Variants in HDAC9 observed in about 807,000 individuals in gnomAD.
HDAC9 encodes the protein MEF-2 interacting transcription repressor (MITR) protein.
HDAC9 carries 41 observed loss-of-function variants against 139.4 expected under a neutral mutation model. The ratio of observed to expected loss-of-function variants is 0.29; its 90% confidence interval spans 0.23 to 0.38. HDAC9 has a LOEUF of 0.38. Among genes scored for constraint, HDAC9 ranks in the 10% least tolerant of loss-of-function variants. The pLI, the probability that HDAC9 is intolerant of heterozygous loss-of-function variation, is 1.00. For missense variants in HDAC9, 1,147 were observed against 1,297.0 expected (o/e 0.88, Z 1.78); for synonymous variants, 517 against 476.2 (o/e 1.09, Z -1.12).
intron 2 of HDAC9, among the ~76,000 whole-genome samples, chr7:18,175,214 T>A (rs1466147515): frequency 2.6e-5 from 4 of 152,288 alleles, no homozygotes; most frequent in South Asian, 4.1e-4. Flanking sequence ...CCATCTCAGA[T>A]TGCCACGCTA....
At chr7:18,932,486 T>C (rs999811589) in intron 22 of HDAC9, among the ~76,000 whole-genome samples, 14 of 152,266 alleles carry the variant, frequency 9.2e-5, no homozygotes, top group Admixed American at 2.6e-4. Flanking sequence ...GAGTAAATCC[T>C]GAAGTTGTTG....
chr7:18,908,796 C>G (rs551515819), intron 22 of HDAC9, among the ~76,000 whole-genome samples: 1 of 151,976 alleles, frequency 6.6e-6, no homozygotes, highest in Non-Finnish European at 1.5e-5. Context: ...TTTTCTCTAT[C>G]CATTCATCCA....
At chr7:18,742,976 C>T (rs1787594261) in intron 13 of HDAC9, among the ~76,000 whole-genome samples, 2 of 152,122 alleles carry the variant, frequency 1.3e-5, no homozygotes, top group African/African-American at 4.8e-5. Context: ...AAAACATTTT[C>T]TAAAATCTTA....
chr7:18,868,209 T>A (rs1489251469), intron 21 of HDAC9, among the ~76,000 whole-genome samples: 1 of 152,194 alleles, frequency 6.6e-6, no homozygotes, highest in African/African-American at 2.4e-5. Flanking sequence ...GCTTTCCCTG[T>A]GGTTGTATAA....
intron 2 of HDAC9, among the ~76,000 whole-genome samples, chr7:18,196,985 G>C (rs1790772277): frequency 6.6e-6 from 1 of 152,226 alleles, no homozygotes; most frequent in South Asian, 2.1e-4. Flanking sequence ...TCAGTAGACT[G>C]AGTAGAGCAG....
chr7:18,252,410 A>G (rs1794973116), intron 2 of HDAC9, among the ~76,000 whole-genome samples: 1 of 152,202 alleles, frequency 6.6e-6, no homozygotes, highest in Non-Finnish European at 1.5e-5. Context: ...TAATGTTTTT[A>G]TAACTGCAAA....
At chr7:18,166,132 C>T (rs887310560) in intron 2 of HDAC9, among the ~76,000 whole-genome samples, 6 of 152,272 alleles carry the variant, frequency 3.9e-5, no homozygotes, top group East Asian at 1.9e-4. Context: ...TTGATGAAAA[C>T]GCATCCAAAG....
At chr7:18,590,254 C>T (rs1421038352) in intron 3 of HDAC9, 82 bp from the exon 4 acceptor site, 1 of 1,401,304 alleles carries the variant, frequency 7.1e-7, no homozygotes. Flanking sequence ...GTTCCAAAAG[C>T]TCATAACATT....
chr7:18,492,926 A>G (rs749926468), upstream of HDAC9, among the ~76,000 whole-genome samples: 5 of 151,858 alleles, frequency 3.3e-5, no homozygotes, highest in Non-Finnish European at 7.4e-5. Flanking sequence ...ACTCTAAAAT[A>G]TTTTTTCATT....
chr7:18,789,268 A>G (rs1792087702), intron 16 of HDAC9, among the ~76,000 whole-genome samples: 1 of 131,108 alleles, frequency 7.6e-6, no homozygotes, highest in Non-Finnish European at 1.6e-5. Flanking sequence ...TCCTTAATGC[A>G]CACGCAGACA....
intron 12 of HDAC9, among the ~76,000 whole-genome samples, chr7:18,705,876 AAAT>A (rs1243006988): frequency 0.017 from 2,540 of 149,432 alleles, 203 homozygotes; most frequent in African/African-American, 0.053. Flanking sequence ...AAATAAAATA[AAAT>A]AAAAGAAATG....
intron 2 of HDAC9, among the ~76,000 whole-genome samples, chr7:18,539,400 A>G (rs1350643378): frequency 2.0e-5 from 3 of 152,242 alleles, no homozygotes; most frequent in African/African-American, 7.2e-5. Context: ...GGAAACTGTC[A>G]CAGATCAGAG....
intron 11 of HDAC9, among the ~76,000 whole-genome samples, chr7:18,650,987 A>G (rs1394821104): frequency 6.6e-6 from 1 of 152,166 alleles, no homozygotes; most frequent in Non-Finnish European, 1.5e-5. Flanking sequence ...TCAGTTGTCT[A>G]AGGGGACAGA....
At chr7:18,765,051 G>T (rs553257066) in intron 15 of HDAC9, among the ~76,000 whole-genome samples, 1 of 152,088 alleles carries the variant, frequency 6.6e-6, no homozygotes, top group Non-Finnish European at 1.5e-5. Flanking sequence ...TAATATTCCT[G>T]TCGCTCTTAT....
chr7:18,879,732 C>T (rs185461019), intron 22 of HDAC9, among the ~76,000 whole-genome samples: 108 of 152,174 alleles, frequency 7.1e-4, no homozygotes, highest in East Asian at 3.9e-3. Flanking sequence ...TAGGCAATAC[C>T]GTCCTGGACA....
At chr7:18,825,872 AATTTAT>A (rs1795393718) in intron 17 of HDAC9, among the ~76,000 whole-genome samples, 1 of 148,230 alleles carries the variant, frequency 6.7e-6, no homozygotes, top group Non-Finnish European at 1.5e-5. Context: ...TATATTATGT[AATTTAT>A]ATTTATATAA....
intron 1 of HDAC9, among the ~76,000 whole-genome samples, chr7:18,467,945 A>C (rs1192061706): frequency 6.6e-6 from 1 of 152,124 alleles, no homozygotes; most frequent in African/African-American, 2.4e-5. Context: ...TACTACTCAG[A>C]TATTTTATAA....
intron 1 of HDAC9, among the ~76,000 whole-genome samples, chr7:18,116,870 T>A (rs546610401): frequency 8.1e-4 from 124 of 152,318 alleles, no homozygotes; most frequent in Non-Finnish European, 1.2e-3. Context: ...ATAAATGTGC[T>A]AAATTTGATA....
At chr7:18,828,858 A>G (rs1795652320) in intron 17 of HDAC9, among the ~76,000 whole-genome samples, 1 of 152,218 alleles carries the variant, frequency 6.6e-6, no homozygotes, top group African/African-American at 2.4e-5. Flanking sequence ...GTTCTTGAAA[A>G]TGAATCATGC....
Sources: allele counts gnomAD v4.1 joint callset (sites outside exome capture counted in the v4.1 genomes callset), GRCh38; gene constraint gnomAD v4.1.1; transcripts MANE v1.5; gene names NCBI Gene and HGNC (gene_info 2026-07-23, HGNC 2026-07-21).